The following CELF4 variants were observed in gnomAD, a reference collection of about 807,000 sequenced individuals.
CELF4 encodes CUG-BP- and ETR-3-like factor 4.
Under a neutral mutation model 59.9 loss-of-function variants are expected in CELF4, and 18 were observed. That is an observed-to-expected ratio of 0.30 (90% CI 0.21 to 0.45). The LOEUF is 0.45. CELF4 is among the 20% of genes least tolerant of loss of function. The pLI is 1.00. For synonymous variants in CELF4, 261 were observed against 267.1 expected, an observed-to-expected ratio of 0.98 and a Z score of 0.22; for missense variants, 456 against 689.0, an observed-to-expected ratio of 0.66 and a Z score of 3.79.
intron 7 of CELF4, 139 bp from the exon 8 acceptor site, chr18:37,271,056 T>C (rs987275464): frequency 7.3e-6 from 5 of 681,610 alleles, no homozygotes; most frequent in Non-Finnish European, 1.2e-5. Context: ...CAGTTCAATC[T>C]TATCTATGAC....
chr18:37,274,706 C>G (rs1457552033), intron 5 of CELF4, 99 bp downstream of exon 5: 1 of 1,503,040 alleles, frequency 6.7e-7, no homozygotes, highest in Admixed American at 2.2e-5. Flanking sequence ...TCATGCTTTC[C>G]TGTCTCTTGG....
intron 2 of CELF4, among the ~76,000 whole-genome samples, chr18:37,391,567 G>C (rs1269804510): frequency 1.3e-5 from 2 of 152,174 alleles, no homozygotes; most frequent in East Asian, 1.9e-4. Context: ...GCCATGATCT[G>C]TTCATGTGTC....
At chr18:37,541,489 C>A (rs113810292) in intron 1 of CELF4, among the ~76,000 whole-genome samples, 13 of 152,274 alleles carry the variant, frequency 8.5e-5, no homozygotes, top group African/African-American at 2.9e-4. Context: ...TGGCTGCCCC[C>A]CTCCGTGTCT....
At chr18:37,368,808 C>A (rs2098821270) in intron 2 of CELF4, among the ~76,000 whole-genome samples, 1 of 152,250 alleles carries the variant, frequency 6.6e-6, no homozygotes, top group Non-Finnish European at 1.5e-5. Context: ...CAGTGAGCTG[C>A]CCATGCACAC....
intron 2 of CELF4, among the ~76,000 whole-genome samples, chr18:37,347,520 C>T (rs1183639531): frequency 1.3e-5 from 2 of 152,162 alleles, no homozygotes; most frequent in Admixed American, 6.5e-5. Context: ...CAGGTCCCTT[C>T]CTACCTCTCT....
At chr18:37,396,689 G>A (rs1236252598) in intron 2 of CELF4, among the ~76,000 whole-genome samples, 1 of 152,164 alleles carries the variant, frequency 6.6e-6, no homozygotes, top group African/African-American at 2.4e-5. Flanking sequence ...GGTGACTGGA[G>A]AAAACTAGGA....
intron 1 of CELF4, among the ~76,000 whole-genome samples, chr18:37,537,111 G>T (rs2099974135): frequency 6.6e-6 from 1 of 152,154 alleles, no homozygotes; most frequent in Admixed American, 6.5e-5. Flanking sequence ...TCGCCTCTTT[G>T]TCCCTGGCAT....
intron 1 of CELF4, among the ~76,000 whole-genome samples, chr18:37,529,583 G>A (rs183941120): frequency 2.0e-3 from 301 of 152,342 alleles, no homozygotes; most frequent in Non-Finnish European, 3.3e-3. Context: ...CAATAGGGGA[G>A]AGAGTCTGCT....
Position 37,409,804 on chromosome 18 carries a change from C to T in CELF4, c.369+75721G>A, listed in dbSNP as rs115226382. On this transcript the variant is annotated intron_variant, in intron 2 of 12. Coordinates refer to ENST00000420428, the MANE Select transcript of CELF4 (RefSeq NM_020180.4). Reference sequence around the variant, plus strand: ...CAGGGCTCTGTTTACAGATGGGTTTCTTGCTTTAGGTTTCATGCTTTACCT... The same window carrying T: ...CAGGGCTCTGTTTACAGATGGGTTTTTTGCTTTAGGTTTCATGCTTTACCT... Among the ~76,000 whole-genome samples, 977 of 152,270 alleles carry T rather than the reference C, an allele frequency of 6.4e-3. 18 individuals are homozygous for T. Among genetic ancestry groups the T allele is most frequent in the African/African-American group, 0.023 (940 of 41,548 alleles).
At chr18:37,552,779 T>A (rs2099983625) in intron 1 of CELF4, among the ~76,000 whole-genome samples, 1 of 152,224 alleles carries the variant, frequency 6.6e-6, no homozygotes, top group Admixed American at 6.5e-5. Context: ...TCAGCCTGCA[T>A]GTTTGGCCCT....
intron 2 of CELF4, 48 bp from the exon 3 acceptor site, chr18:37,321,929 G>A (rs776268460): frequency 8.7e-6 from 13 of 1,494,802 alleles, no homozygotes; most frequent in Middle Eastern, 1.7e-4. Context: ...CTGCGGGTGA[G>A]GGGACAGACA....
At chr18:37,564,118 C>T (rs988101151) in intron 1 of CELF4, among the ~76,000 whole-genome samples, 9 of 152,202 alleles carry the variant, frequency 5.9e-5, no homozygotes, top group Non-Finnish European at 1.3e-4. Context: ...TCTTCGGCGG[C>T]TCTCCACACT....
intron 1 of CELF4, among the ~76,000 whole-genome samples, chr18:37,520,141 T>A (rs2099955669): frequency 6.6e-6 from 1 of 152,084 alleles, no homozygotes; most frequent in Admixed American, 6.5e-5. Flanking sequence ...CACCCCAAGC[T>A]CGGGGCCCCT....
At chr18:37,433,560 G>A (rs1035286212) in intron 2 of CELF4, among the ~76,000 whole-genome samples, 7 of 152,302 alleles carry the variant, frequency 4.6e-5, no homozygotes, top group East Asian at 1.9e-4. Flanking sequence ...AACCATTTTC[G>A]TTTGAGCTTT....
intron 1 of CELF4, among the ~76,000 whole-genome samples, chr18:37,552,954 C>G (rs1353325544): frequency 1.3e-5 from 2 of 152,250 alleles, no homozygotes; most frequent in South Asian, 4.1e-4. Flanking sequence ...CACAGCTCAA[C>G]AACGTGCTTT....
At chr18:37,366,613 TGG>T (rs2098787588) in intron 2 of CELF4, among the ~76,000 whole-genome samples, 1 of 152,128 alleles carries the variant, frequency 6.6e-6, no homozygotes, top group African/African-American at 2.4e-5. Context: ...AGATGGAGCC[TGG>T]GAGAAGGTGG....
intron 3 of CELF4, among the ~76,000 whole-genome samples, chr18:37,306,585 T>C (rs2154476961): frequency 6.6e-6 from 1 of 152,366 alleles, no homozygotes; most frequent in South Asian, 2.1e-4. Context: ...ACTGAGTGGC[T>C]TTGGGTGTGG....
intron 2 of CELF4, among the ~76,000 whole-genome samples, chr18:37,359,816 G>C (rs1333088996): frequency 1.3e-5 from 2 of 151,848 alleles, no homozygotes; most frequent in East Asian, 3.9e-4. Context: ...TAAAGTGCTG[G>C]GATTACAGGC....
In CELF4 at chr18:37,319,796, A is replaced by ACTGGGC. The variant is rs1349289235; in HGVS notation, c.448+2001_448+2006dup. Among the ~76,000 whole-genome samples, 10 of 152,318 alleles carry ACTGGGC rather than the reference A, an allele frequency of 6.6e-5. No homozygotes were observed. The East Asian group carries it at 9.7e-4, about 15-fold the overall frequency. On this transcript the variant is annotated intron_variant, in intron 3 of 12. Coordinates refer to ENST00000420428, the MANE Select transcript of CELF4 (RefSeq NM_020180.4). ...TAAAGAGCAGGGAGAAACCCAGAGC[A>ACTGGGC]CTGGGCCTGGGCCTGGGCCTGGGCC...
Sources: allele counts gnomAD v4.1 joint callset (sites outside exome capture counted in the v4.1 genomes callset), GRCh38; gene constraint gnomAD v4.1.1; transcripts MANE v1.5; gene names NCBI Gene and HGNC (gene_info 2026-07-23, HGNC 2026-07-21).